The following IQCM variants were observed in gnomAD, a reference collection of about 807,000 sequenced individuals.
IQCM encodes the protein IQ domain-containing protein M.
In IQCM, 45 loss-of-function variants were observed where a neutral mutation model predicts 57.6. That is an observed-to-expected ratio of 0.78 (90% CI 0.62 to 1.00). The LOEUF (loss-of-function observed/expected upper bound fraction) is 1.00, where lower values mean the gene tolerates loss of function less well. Ranked by LOEUF, IQCM falls within the 50% of genes least tolerant of loss-of-function variation. The pLI is 0.00. For missense variants in IQCM, 468 were observed against 511.6 expected (o/e 0.91, Z 0.82); for synonymous variants, 148 against 158.9 (o/e 0.93, Z 0.51).
chr4:149,547,801 T>C (rs2089071), intron 12 of IQCM, among the ~76,000 whole-genome samples: 2,430 of 152,258 alleles, frequency 0.016, 76 homozygotes, highest in African/African-American at 0.056. Context: ...TTGTCAATTA[T>C]ACTTTGACAA....
intron 2 of IQCM, among the ~76,000 whole-genome samples, chr4:149,771,965 G>A (rs1770626618): frequency 6.6e-6 from 1 of 151,982 alleles, no homozygotes. Flanking sequence ...TTAAATCTTT[G>A]CACCTATTAT....
intron 7 of IQCM, among the ~76,000 whole-genome samples, chr4:149,626,732 A>G (rs138354006): frequency 1.8e-4 from 27 of 152,266 alleles, no homozygotes; most frequent in African/African-American, 6.3e-4. Context: ...AAATACTATA[A>G]TGATAAAGGA....
At chr4:149,778,101 G>A (rs1159601702) in intron 2 of IQCM, among the ~76,000 whole-genome samples, 1 of 152,230 alleles carries the variant, frequency 6.6e-6, no homozygotes, top group Admixed American at 6.5e-5. Context: ...AATTGGCCGG[G>A]CGCGGTGGCT....
intron 7 of IQCM, among the ~76,000 whole-genome samples, chr4:149,666,643 A>G (rs778079688): frequency 6.6e-6 from 1 of 152,084 alleles, no homozygotes; most frequent in Non-Finnish European, 1.5e-5. Context: ...AGTGGATCCT[A>G]CCCCTACAGA....
chr4:149,530,484 A>G (rs1746618894), intron 12 of IQCM, among the ~76,000 whole-genome samples: 1 of 152,180 alleles, frequency 6.6e-6, no homozygotes, highest in Non-Finnish European at 1.5e-5. Flanking sequence ...AAGAGAGGAT[A>G]CAGAATTGAC....
chr4:149,440,121 C>CTTT (rs955416306), intron 12 of IQCM, among the ~76,000 whole-genome samples: 29 of 88,024 alleles, frequency 3.3e-4, no homozygotes, highest in African/African-American at 4.9e-4. Context: ...CATGCCCGGC[C>CTTT]TTTTTTTTTT....
chr4:149,440,279 C>T (rs530887573), intron 12 of IQCM, among the ~76,000 whole-genome samples: 8 of 151,850 alleles, frequency 5.3e-5, no homozygotes, highest in Non-Finnish European at 8.8e-5. Context: ...TGTAGCTATT[C>T]TTAATTGTTA....
chr4:149,771,766 A>G lies in IQCM; in HGVS notation c.-48-29027T>C, dbSNP rs142119502. 6.6e-3 allele frequency among the ~76,000 whole-genome samples: 1,004 copies of G among 152,268 alleles called. 12 individuals carry two copies. Among genetic ancestry groups the G allele is most frequent in the East Asian group, 0.04 (208 of 5,190 alleles). ...ATAAACAGATTCTGATGAATAAGAA[A>G]GCATAAATTCTTGTGCTGATAATGA... On this transcript the variant is annotated intron_variant, in intron 2 of 13. Coordinates refer to ENST00000636793, the MANE Select transcript of IQCM (RefSeq NM_001363507.2).
intron 8 of IQCM, among the ~76,000 whole-genome samples, chr4:149,616,883 A>C (rs891557527): frequency 1.3e-5 from 2 of 152,108 alleles, no homozygotes; most frequent in Middle Eastern, 3.2e-3. Flanking sequence ...TGCCAAGTTA[A>C]TAGGTGCAGC....
intron 12 of IQCM, among the ~76,000 whole-genome samples, chr4:149,518,936 G>A (rs1481931631): frequency 2.1e-4 from 32 of 152,166 alleles, no homozygotes; most frequent in Non-Finnish European, 1.5e-5. Flanking sequence ...GAAACAAAGA[G>A]AGAATATTAA....
intron 13 of IQCM, among the ~76,000 whole-genome samples, chr4:149,358,881 G>GGGTATATCATGATAT (rs1729254595): frequency 1.2e-5 from 1 of 80,968 alleles, no homozygotes; most frequent in South Asian, 2.8e-4. Flanking sequence ...TATATCATGA[G>GGGTATATCATGATAT]ACCACAGTGG....
chr4:149,722,715 G>C (rs144675144), intron 5 of IQCM, among the ~76,000 whole-genome samples: 23 of 151,950 alleles, frequency 1.5e-4, no homozygotes, highest in Admixed American at 3.9e-4. Flanking sequence ...TTTCAAATAG[G>C]GTAATGTGAT....
At chr4:149,483,744 T>C (rs1254999991) in intron 12 of IQCM, among the ~76,000 whole-genome samples, 1 of 151,964 alleles carries the variant, frequency 6.6e-6, no homozygotes, top group Non-Finnish European at 1.5e-5. Context: ...GTGTGTTCTG[T>C]AGCCATTGGA....
chr4:149,453,038 T>C (rs1258698885), intron 12 of IQCM, among the ~76,000 whole-genome samples: 1 of 130,294 alleles, frequency 7.7e-6, no homozygotes, highest in Non-Finnish European at 1.7e-5. Context: ...AGGAAATGAG[T>C]AAAAAAAAAA....
At chr4:149,516,246 G>A (rs1308178098) in intron 12 of IQCM, among the ~76,000 whole-genome samples, 2 of 152,216 alleles carry the variant, frequency 1.3e-5, no homozygotes. Flanking sequence ...GGAAAAGGCA[G>A]AGGTTTGTCC....
intron 3 of IQCM, among the ~76,000 whole-genome samples, chr4:149,738,256 C>T (rs933834579): frequency 1.1e-4 from 16 of 152,152 alleles, no homozygotes; most frequent in African/African-American, 3.1e-4. Flanking sequence ...CTGGAAATTC[C>T]TCTGAAACTT....
chr4:149,726,128 AAAGAAAGAAAGAAAAG>A (rs1214761346), intron 5 of IQCM, among the ~76,000 whole-genome samples: 89 of 140,932 alleles, frequency 6.3e-4, no homozygotes, highest in South Asian at 2.1e-3. Context: ...AGAAAGAAAG[AAAGAAAGAAAGAAAAG>A]AAAGAAAGAA....
intron 13 of IQCM, among the ~76,000 whole-genome samples, chr4:149,395,955 CA>C (rs1430398379): frequency 2.0e-5 from 3 of 151,954 alleles, no homozygotes; most frequent in Non-Finnish European, 4.4e-5. Flanking sequence ...CCCTGCTAGA[CA>C]ATGGCCAAAT....
chr4:149,589,199 G>A (rs888623055), intron 8 of IQCM, among the ~76,000 whole-genome samples: 1 of 151,962 alleles, frequency 6.6e-6, no homozygotes, highest in African/African-American at 2.4e-5. Flanking sequence ...GGAATTTGAA[G>A]TAAACTTGAT....
Sources: gnomAD v4.1 joint callset for allele counts (sites outside exome capture counted in the v4.1 genomes callset) on GRCh38, gnomAD v4.1.1 for gene constraint, MANE v1.5 for transcripts, NCBI Gene and HGNC (gene_info 2026-07-23, HGNC 2026-07-21) for gene names.